The following GRM1 variants were observed in gnomAD, a reference collection of about 807,000 sequenced individuals.
GRM1 encodes metabotropic glutamate receptor 1.
GRM1 carries 33 observed loss-of-function variants against 90.9 expected under a neutral mutation model. That is an observed-to-expected ratio of 0.36 (90% CI 0.28 to 0.49). GRM1 has a LOEUF of 0.49. GRM1 is among the 20% of genes least tolerant of loss of function. The pLI is 0.99. For synonymous variants in GRM1, 700 were observed against 613.2 expected (o/e 1.14, Z -2.09); for missense variants, 1,190 against 1,534.3 (o/e 0.78, Z 3.75).
intron 2 of GRM1, among the ~76,000 whole-genome samples, chr6:146,184,212 G>A (rs1034082034): frequency 3.9e-5 from 6 of 152,164 alleles, no homozygotes; most frequent in Non-Finnish European, 7.3e-5. Flanking sequence ...GAAAAAGACA[G>A]AGGGGGAGAT....
chr6:146,183,501 G>A (rs145769831), intron 2 of GRM1, among the ~76,000 whole-genome samples: 305 of 152,194 alleles, frequency 2.0e-3, no homozygotes, highest in African/African-American at 7.0e-3. Flanking sequence ...TATATTAACT[G>A]ATAACACAGT....
At chr6:146,079,427 A>T (rs1776290803) in intron 1 of GRM1, among the ~76,000 whole-genome samples, 1 of 152,106 alleles carries the variant, frequency 6.6e-6, no homozygotes, top group South Asian at 2.1e-4. Flanking sequence ...CAAAGAAGGG[A>T]CCCCAAATTT....
At chr6:146,138,541 T>G (rs368730327) in intron 1 of GRM1, among the ~76,000 whole-genome samples, 20 of 152,090 alleles carry the variant, frequency 1.3e-4, no homozygotes, top group African/African-American at 4.8e-4. Context: ...TTTATTACAG[T>G]TTTGACCTTC....
At chr6:146,045,514 G>A (rs1014627048) in intron 1 of GRM1, among the ~76,000 whole-genome samples, 7 of 151,904 alleles carry the variant, frequency 4.6e-5, no homozygotes, top group African/African-American at 1.7e-4. Context: ...AAGTATGGAA[G>A]GCTTTTGTTT....
At chr6:146,085,295 G>A (rs957329411) in intron 1 of GRM1, among the ~76,000 whole-genome samples, 4 of 152,058 alleles carry the variant, frequency 2.6e-5, no homozygotes, top group African/African-American at 9.7e-5. Flanking sequence ...ATTTAAGGGT[G>A]ATGCTAAATG....
At chr6:146,076,406 G>A (rs187884933) in intron 1 of GRM1, among the ~76,000 whole-genome samples, 93 of 152,268 alleles carry the variant, frequency 6.1e-4, no homozygotes, top group African/African-American at 2.0e-3. Context: ...CAATCTGATC[G>A]CAATATTCCA....
chr6:146,234,911 T>G (rs1183938158), intron 2 of GRM1, among the ~76,000 whole-genome samples: 1 of 152,014 alleles, frequency 6.6e-6, no homozygotes, highest in Non-Finnish European at 1.5e-5. Context: ...CCGGACTAAT[T>G]TTTTGCATTT....
chr6:146,175,469 G>T (rs775003441), intron 2 of GRM1, among the ~76,000 whole-genome samples: 2 of 152,172 alleles, frequency 1.3e-5, no homozygotes, highest in Non-Finnish European at 2.9e-5. Flanking sequence ...CTCACAAGTT[G>T]TCTGGACATG....
At chr6:146,187,251 C>T (rs1778766183) in intron 2 of GRM1, among the ~76,000 whole-genome samples, 1 of 152,016 alleles carries the variant, frequency 6.6e-6, no homozygotes, top group Non-Finnish European at 1.5e-5. Context: ...TATTAATCAA[C>T]TATTATAAAA....
intron 1 of GRM1, among the ~76,000 whole-genome samples, chr6:146,078,161 T>A (rs11755334): frequency 6.6e-6 from 1 of 152,002 alleles, no homozygotes; most frequent in African/African-American, 2.4e-5. Flanking sequence ...AGAATTTTCA[T>A]ACGGGCTGGG....
chr6:146,122,839 CTTT>C (rs57859188), intron 1 of GRM1, among the ~76,000 whole-genome samples: 2,601 of 62,196 alleles, frequency 0.042, 79 homozygotes, highest in African/African-American at 0.15. Flanking sequence ...TCTTTTCTTT[CTTT>C]TTTTTTTTTT....
In GRM1 at chr6:146,288,116, A is replaced by G. The variant is rs766279495; in HGVS notation, c.951-16495A>G. ...GGCTAGAAGAATTTTAAGGAACATG[A>G]TAGAAATGGCTTAGATTGTCTTGAG... On this transcript the variant is annotated intron_variant, in intron 2 of 7. Transcript: ENST00000282753. Among the ~76,000 whole-genome samples the G allele has an allele frequency of 2.0e-5, 3 of 152,204 alleles. 1 individual carries two copies. Among genetic ancestry groups the G allele is most frequent in the African/African-American group, 7.2e-5 (3 of 41,450 alleles).
At position 146,287,499 on chromosome 6, in the gene GRM1, G is replaced by A. The variant is rs1365246483; in HGVS notation, c.951-17112G>A. On this transcript the variant is annotated intron_variant, in intron 2 of 7. Coordinates refer to ENST00000282753, the MANE Select transcript of GRM1 (RefSeq NM_001278064.2). ...TTGGCTTCAGTTTTCTCACTCCTTC[G>A]TTTATCTCCTATACTTCCACCAAAG... Among the ~76,000 whole-genome samples the A allele has an allele frequency of 3.9e-5, 6 of 152,142 alleles. No individual in the cohort carries two copies. The South Asian group carries it at 8.3e-4, about 21-fold the overall frequency.
At position 146,260,638 on chromosome 6, in the gene GRM1, T is replaced by C. The variant is rs529701304; in HGVS notation, c.951-43973T>C. Among the ~76,000 whole-genome samples, 4 of 152,172 alleles carry C rather than the reference T, an allele frequency of 2.6e-5. No homozygotes were observed. The East Asian group carries it at 7.7e-4, about 29-fold the overall frequency. On this transcript the variant is annotated intron_variant, in intron 2 of 7. Transcript: ENST00000282753. ...ACCAACAGTGTAAAAGAGATATTTT[T>C]AATAGTAGCCATCCTAAAACGTGTG...
At chr6:146,414,307 G>A (rs1777682439) in intron 7 of GRM1, among the ~76,000 whole-genome samples, 1 of 151,348 alleles carries the variant, frequency 6.6e-6, no homozygotes, top group African/African-American at 2.4e-5. Context: ...GTGTTTATTG[G>A]CCATCTATAT....
chr6:146,246,021 A>G (rs972398571), intron 2 of GRM1, among the ~76,000 whole-genome samples: 3 of 152,226 alleles, frequency 2.0e-5, no homozygotes, highest in Admixed American at 6.5e-5. Flanking sequence ...TATTCTAAAT[A>G]TAGATAAATT....
intron 1 of GRM1, among the ~76,000 whole-genome samples, chr6:146,098,472 T>C (rs1776942589): frequency 6.6e-6 from 1 of 152,174 alleles, no homozygotes; most frequent in African/African-American, 2.4e-5. Flanking sequence ...TTTTTAGGTA[T>C]GGTCTTTTAA....
chr6:146,057,424 C>T (rs1314743684), intron 1 of GRM1, among the ~76,000 whole-genome samples: 6 of 152,182 alleles, frequency 3.9e-5, no homozygotes, highest in South Asian at 2.1e-4. Context: ...ACCTTGAAAA[C>T]GGCACACCTT....
At chr6:146,096,003 C>T (rs142769886) in intron 1 of GRM1, among the ~76,000 whole-genome samples, 170 of 152,210 alleles carry the variant, frequency 1.1e-3, no homozygotes, top group African/African-American at 3.8e-3. Context: ...GACCTCAAGA[C>T]GCAGATTTAT....
Sources: gnomAD v4.1 joint callset for allele counts (sites outside exome capture counted in the v4.1 genomes callset) on GRCh38, gnomAD v4.1.1 for gene constraint, MANE v1.5 for transcripts, NCBI Gene and HGNC (gene_info 2026-07-23, HGNC 2026-07-21) for gene names.